PDE4D: variants seen among roughly 807,000 people sequenced by gnomAD.
PDE4D encodes phosphodiesterase 4D, also known as 3',5'-cyclic-AMP phosphodiesterase 4D.
A neutral mutation model predicts 87.4 loss-of-function variants in PDE4D; 24 were observed. The ratio of observed to expected loss-of-function variants is 0.27; its 90% CI spans 0.20 to 0.39. The LOEUF (loss-of-function observed/expected upper bound fraction) is 0.39. PDE4D is among the 10% of genes least tolerant of loss of function. The pLI is 1.00. For synonymous variants in PDE4D, 384 were observed against 383.2 expected, an observed-to-expected ratio of 1.00 and a Z score of -0.02; for missense variants, 714 against 1,041.0, an observed-to-expected ratio of 0.69 and a Z score of 4.32.
intron 2 of PDE4D, among the ~76,000 whole-genome samples, chr5:60,058,432 G>T (rs1351335639): frequency 1.3e-5 from 2 of 151,770 alleles, no homozygotes; most frequent in Non-Finnish European, 2.9e-5. Flanking sequence ...TCCCCATAAG[G>T]ATTATTTATA....
chr5:59,842,496 T>C (rs1743164806), intron 1 of PDE4D, among the ~76,000 whole-genome samples: 1 of 152,074 alleles, frequency 6.6e-6, no homozygotes, highest in Non-Finnish European at 1.5e-5. Flanking sequence ...TTTTCATATG[T>C]TAATATTTTT....
chr5:60,453,512 C>G (rs1489596492), intron 1 of PDE4D, among the ~76,000 whole-genome samples: 2 of 152,130 alleles, frequency 1.3e-5, no homozygotes, highest in African/African-American at 4.8e-5. Flanking sequence ...AATATAATTA[C>G]AGCTGGTCTA....
At chr5:60,265,705 T>C (rs1750133655) in intron 1 of PDE4D, among the ~76,000 whole-genome samples, 2 of 152,110 alleles carry the variant, frequency 1.3e-5, no homozygotes, top group Non-Finnish European at 2.9e-5. Flanking sequence ...ACTCTGTACC[T>C]GGCAAAACAG....
chr5:58,976,901 C>T lies in PDE4D; in HGVS notation c.1707+290G>A, dbSNP rs180793929. The stretch of plus-strand genomic sequence containing the variant: ...GAAAAAATCCATTTGAGCTGTGGCC[C>T]ACACAATCTGCTTTTGTTAGTCATT... On this transcript the variant is annotated intron_variant, in intron 12 of 14. Transcript: ENST00000340635. 3.0e-4 allele frequency among the ~76,000 whole-genome samples: 46 copies of T among 152,250 alleles called. 1 individual carries two copies. The highest frequency in any genetic ancestry group is 3.4e-3 in the Middle Eastern group (1 of 294).
At chr5:59,429,238 G>A (rs550504396) in intron 1 of PDE4D, among the ~76,000 whole-genome samples, 1 of 152,244 alleles carries the variant, frequency 6.6e-6, no homozygotes, top group Admixed American at 6.5e-5. Flanking sequence ...GAGCCATGTT[G>A]GGTGTCTTAG....
chr5:60,010,511 A>G (rs1764921364), intron 2 of PDE4D, among the ~76,000 whole-genome samples: 1 of 152,172 alleles, frequency 6.6e-6, no homozygotes, highest in South Asian at 2.1e-4. Flanking sequence ...ATACACAAAA[A>G]AGTTTATCAC....
At chr5:60,218,779 C>A (rs1253724650) in intron 1 of PDE4D, among the ~76,000 whole-genome samples, 1 of 152,000 alleles carries the variant, frequency 6.6e-6, no homozygotes, top group Non-Finnish European at 1.5e-5. Flanking sequence ...ATGTTAAAAT[C>A]ATCTTTCTTG....
chr5:59,289,070 T>C (rs189748000), intron 1 of PDE4D, among the ~76,000 whole-genome samples: 1 of 152,260 alleles, frequency 6.6e-6, no homozygotes, highest in African/African-American at 2.4e-5. Context: ...TATTATAGTA[T>C]GTAAACAACT....
chr5:59,608,775 A>G (rs1166568720), intron 1 of PDE4D, among the ~76,000 whole-genome samples: 2 of 152,114 alleles, frequency 1.3e-5, no homozygotes, highest in Non-Finnish European at 2.9e-5. Flanking sequence ...CTCCCACTCT[A>G]TCCCAGGATT....
At chr5:60,448,440 ACCTTCATT>A (rs1490711471) in intron 1 of PDE4D, among the ~76,000 whole-genome samples, 1 of 151,966 alleles carries the variant, frequency 6.6e-6, no homozygotes, top group Non-Finnish European at 1.5e-5. Flanking sequence ...CAACAGAAAA[ACCTTCATT>A]CATATTTTGG....
At chr5:59,148,612 A>G (rs1201207560) in intron 5 of PDE4D, among the ~76,000 whole-genome samples, 1 of 152,222 alleles carries the variant, frequency 6.6e-6, no homozygotes, top group Non-Finnish European at 1.5e-5. Context: ...ATTGGTTACG[A>G]ATTGTATTTT....
rs565358353 is a variant in PDE4D, at chr5:60,318,890, C to T, written c.-89-133203G>A. Reference sequence around the variant, plus strand: ...GATGGGCTTCCCTTTGTGGGTAACCCGACCTTCCTCTCTGGCTGCCCTTAA... The same window carrying T: ...GATGGGCTTCCCTTTGTGGGTAACCTGACCTTCCTCTCTGGCTGCCCTTAA... On this transcript the variant is annotated intron_variant, in intron 1 of 16. Transcript: ENST00000502484. Among the ~76,000 whole-genome samples, 8 of 152,202 alleles carry T rather than the reference C, an allele frequency of 5.3e-5. No homozygotes were observed. The East Asian group carries it at 1.2e-3, about 22-fold the overall frequency.
chr5:60,163,057 A>G (rs1678790035), intron 2 of PDE4D, among the ~76,000 whole-genome samples: 1 of 152,196 alleles, frequency 6.6e-6, no homozygotes, highest in South Asian at 2.1e-4. Context: ...AGCTGTACCA[A>G]AACCCTACCA....
intron 5 of PDE4D, among the ~76,000 whole-genome samples, chr5:59,097,241 A>G (rs1203814976): frequency 6.6e-6 from 1 of 152,186 alleles, no homozygotes; most frequent in African/African-American, 2.4e-5. Flanking sequence ...AAAAAACACA[A>G]CTTTACAAGA....
At chr5:59,070,137 TCTCA>T (rs1561428928) in intron 5 of PDE4D, among the ~76,000 whole-genome samples, 2 of 152,196 alleles carry the variant, frequency 1.3e-5, no homozygotes, top group South Asian at 4.1e-4. Flanking sequence ...TACATGGTAT[TCTCA>T]CTAACACATA....
chr5:60,515,998 G>A (rs920571786), intron 1 of PDE4D, among the ~76,000 whole-genome samples: 1 of 152,122 alleles, frequency 6.6e-6, no homozygotes. Context: ...TGCTCTAAGT[G>A]TCTATAAATT....
chr5:59,310,862 A>G (rs1219014124), intron 1 of PDE4D, among the ~76,000 whole-genome samples: 1 of 152,178 alleles, frequency 6.6e-6, no homozygotes, highest in Non-Finnish European at 1.5e-5. Context: ...TTCTTAACAT[A>G]TACTGGGACC....
chr5:59,096,963 A>G (rs1482901054), intron 5 of PDE4D, among the ~76,000 whole-genome samples: 2 of 152,232 alleles, frequency 1.3e-5, no homozygotes, highest in East Asian at 3.8e-4. Context: ...ATTATAATCC[A>G]CAACATCAGA....
intron 1 of PDE4D, among the ~76,000 whole-genome samples, chr5:59,488,895 C>A (rs1805666315): frequency 6.6e-6 from 1 of 152,034 alleles, no homozygotes; most frequent in African/African-American, 2.4e-5. Flanking sequence ...TGCTTTCCAA[C>A]TGAGATGAGT....
Sources: allele counts gnomAD v4.1 joint callset (sites outside exome capture counted in the v4.1 genomes callset), GRCh38; gene constraint gnomAD v4.1.1; transcripts MANE v1.5; gene names NCBI Gene and HGNC (gene_info 2026-07-23, HGNC 2026-07-21).